The following NCK1 variants were observed in gnomAD, a reference collection of about 807,000 sequenced individuals.
NCK1 encodes SH2/SH3 adapter protein NCK1.
Under a neutral mutation model 36.6 loss-of-function variants are expected in NCK1, and 19 were observed. That is an observed-to-expected ratio of 0.52 (90% confidence interval 0.36 to 0.76). The LOEUF is 0.76. Ranked by LOEUF, NCK1 falls within the 30% of genes least tolerant of loss-of-function variation. The pLI is 0.00. For synonymous variants in NCK1, 165 were observed against 156.0 expected (o/e 1.06, Z -0.43); for missense variants, 358 against 445.6 (o/e 0.80, Z 1.77).
At chr3:136,945,335 G>T (rs1439939237) in intron 2 of NCK1, among the ~76,000 whole-genome samples, 1 of 152,088 alleles carries the variant, frequency 6.6e-6, no homozygotes, top group East Asian at 1.9e-4. Flanking sequence ...TTATTTCAGG[G>T]CCTTTGACAA....
intron 1 of NCK1, among the ~76,000 whole-genome samples, chr3:136,876,580 T>G (rs1051975724): frequency 1.3e-5 from 2 of 152,194 alleles, no homozygotes; most frequent in African/African-American, 4.8e-5. Flanking sequence ...TTTTGTTTTT[T>G]TTTTAAACCA....
chr3:136,909,339 G>A (rs996756039), intron 1 of NCK1, among the ~76,000 whole-genome samples: 8 of 152,186 alleles, frequency 5.3e-5, no homozygotes, highest in African/African-American at 1.9e-4. Flanking sequence ...GGAAGGGCAT[G>A]CTAGACTGAG....
chr3:136,881,013 A>G (rs1938918218), intron 1 of NCK1, among the ~76,000 whole-genome samples: 1 of 152,140 alleles, frequency 6.6e-6, no homozygotes, highest in Admixed American at 6.5e-5. Context: ...ATTAAATGAT[A>G]TTGCCATCCA....
intron 2 of NCK1, among the ~76,000 whole-genome samples, chr3:136,932,601 G>A (rs999542970): frequency 3.3e-5 from 5 of 152,166 alleles, no homozygotes; most frequent in African/African-American, 1.2e-4. Flanking sequence ...TCTGTTCCCA[G>A]ACATATCACT....
chr3:136,886,869 G>A (rs1184256148), intron 1 of NCK1, among the ~76,000 whole-genome samples: 1 of 141,698 alleles, frequency 7.1e-6, no homozygotes, highest in Non-Finnish European at 1.5e-5. Context: ...CTGAGACGGA[G>A]TTTTGCTCTT....
intron 2 of NCK1, among the ~76,000 whole-genome samples, chr3:136,941,526 T>C (rs977460935): frequency 6.6e-6 from 1 of 152,208 alleles, no homozygotes; most frequent in Non-Finnish European, 1.5e-5. Flanking sequence ...CATCTTAGGT[T>C]TTTAACAATC....
chr3:136,872,131 G>A (rs1017297614), intron 1 of NCK1, among the ~76,000 whole-genome samples: 5 of 152,174 alleles, frequency 3.3e-5, no homozygotes, highest in African/African-American at 1.2e-4. Flanking sequence ...AGTTTGAAGG[G>A]ATCAGAAGAG....
chr3:136,947,721 A>G (rs1353654046), intron 3 of NCK1, among the ~76,000 whole-genome samples: 5 of 152,018 alleles, frequency 3.3e-5, no homozygotes, highest in African/African-American at 1.2e-4. Flanking sequence ...ACTTATTTAC[A>G]TTATTCTTTT....
At chr3:136,918,811 A>G (rs1158624638) in intron 1 of NCK1, among the ~76,000 whole-genome samples, 1 of 152,214 alleles carries the variant, frequency 6.6e-6, no homozygotes, top group Non-Finnish European at 1.5e-5. Flanking sequence ...GGCCAACTGT[A>G]TTCATTCATG....
rs539367541 is a variant in NCK1, at chr3:136,949,738, A to G, written c.*1285A>G. 60 of 152,170 alleles carry G rather than the reference A, an allele frequency of 3.9e-4. No homozygotes were observed. The highest frequency in any genetic ancestry group is 1.3e-3 in the African/African-American group (53 of 41,576). 9.4% of individuals were successfully genotyped at this position (152,170 alleles called of 1,614,324 possible). A position where few individuals can be genotyped will look rare whatever the true frequency, so the allele number is the denominator to read the frequency against. ...TATGATACTTTCAACAAATTCCCTA[A>G]TGCTGCCTAAGCATATGGATGTTTT... is the stretch of plus-strand genomic sequence containing the variant. On this transcript the variant is annotated 3_prime_UTR_variant, in exon 4 of 4. Transcript: ENST00000481752.
At chr3:136,913,287 T>C (rs1424390557) in intron 1 of NCK1, among the ~76,000 whole-genome samples, 1 of 152,208 alleles carries the variant, frequency 6.6e-6, no homozygotes, top group Non-Finnish European at 1.5e-5. Context: ...GTGCTTGTTT[T>C]TCTTTTTGTT....
At chr3:136,869,504 C>G (rs1938545857) in intron 1 of NCK1, among the ~76,000 whole-genome samples, 1 of 152,024 alleles carries the variant, frequency 6.6e-6, no homozygotes, top group African/African-American at 2.4e-5. Context: ...GAGATCCCGC[C>G]ACTGCACTTT....
chr3:136,911,356 T>C (rs953462504), intron 1 of NCK1, among the ~76,000 whole-genome samples: 1 of 152,226 alleles, frequency 6.6e-6, no homozygotes, highest in Non-Finnish European at 1.5e-5. Context: ...TGTACTAATT[T>C]AATTTACATC....
At chr3:136,883,094 G>GT (rs1284858553) in intron 1 of NCK1, among the ~76,000 whole-genome samples, 4 of 151,950 alleles carry the variant, frequency 2.6e-5, no homozygotes, top group South Asian at 2.1e-4. Flanking sequence ...AATTTTTTGT[G>GT]TTTTTTAGTA....
chr3:136,885,013 G>A (rs1406286915), intron 1 of NCK1, among the ~76,000 whole-genome samples: 1 of 152,004 alleles, frequency 6.6e-6, no homozygotes, highest in Non-Finnish European at 1.5e-5. Context: ...GAGCCACTGC[G>A]CCTGCTGAAG....
chr3:136,869,692 T>C (rs1237942650), intron 1 of NCK1, among the ~76,000 whole-genome samples: 1 of 152,252 alleles, frequency 6.6e-6, no homozygotes, highest in Non-Finnish European at 1.5e-5. Flanking sequence ...ATTTTTCTTA[T>C]GTGTACGTAA....
chr3:136,913,165 C>T (rs1254243858), intron 1 of NCK1, among the ~76,000 whole-genome samples: 1 of 152,026 alleles, frequency 6.6e-6, no homozygotes, highest in Non-Finnish European at 1.5e-5. Flanking sequence ...CATACTTTCC[C>T]ATTTCTTTGT....
intron 2 of NCK1, among the ~76,000 whole-genome samples, chr3:136,931,058 G>A (rs943585556): frequency 1.3e-5 from 2 of 151,018 alleles, no homozygotes; most frequent in Middle Eastern, 3.3e-3. Flanking sequence ...AAAAACACTA[G>A]TAAAGAGAAT....
intron 1 of NCK1, among the ~76,000 whole-genome samples, chr3:136,866,908 C>T (rs771949191): frequency 1.1e-4 from 17 of 148,310 alleles, no homozygotes; most frequent in Admixed American, 2.1e-4. Context: ...CCACTGTGCC[C>T]GTCCAGTTTG....
Sources: allele counts gnomAD v4.1 joint callset (sites outside exome capture counted in the v4.1 genomes callset), GRCh38; gene constraint gnomAD v4.1.1; transcripts MANE v1.5; gene names NCBI Gene and HGNC (gene_info 2026-07-23, HGNC 2026-07-21).